MMP9: variants seen among roughly 807,000 people sequenced by gnomAD.
The protein encoded by MMP9 is matrix metalloproteinase-9.
A neutral mutation model predicts 76.4 loss-of-function variants in MMP9; 73 were observed. That is an observed-to-expected ratio of 0.96 (90% confidence interval 0.79 to 1.16). The LOEUF (loss-of-function observed/expected upper bound fraction) is 1.16, where lower values mean the gene tolerates loss of function less well. MMP9 is among the 50% of genes most tolerant of loss of function. The pLI is 0.00. For synonymous variants in MMP9, 412 were observed against 408.4 expected (o/e 1.01, Z -0.11); for missense variants, 943 against 973.0 (o/e 0.97, Z 0.41).
At chr20:46,011,538 G>A (rs184268472) in intron 5 of MMP9, 36 bp from the exon 6 acceptor site, 15 of 1,612,720 alleles carry the variant, frequency 9.3e-6, no homozygotes, top group Non-Finnish European at 1.3e-5. Context: ...TGCTGTCTCC[G>A]CCTTCTCCCC....
chr20:46,009,969 C>T lies in MMP9; in HGVS notation c.242C>T (p.Pro81Leu). 2 of 1,551,920 alleles carry T rather than the reference C, an allele frequency of 1.3e-6. No individual in the cohort carries two copies. The highest frequency in any genetic ancestry group is 1.7e-6 in the Non-Finnish European group (2 of 1,147,076). ...LLLLQKQLSL[P>L]ETGELDSATL... The stretch of plus-strand genomic sequence containing the variant: ...CTTCTCCAGAAGCAACTGTCCCTGC[C>T]CGAGACCGGTGAGCTGGATAGCGCC... Residue 81 changes from proline to leucine, a missense_variant, in exon 2 of 13, where the codon CCC (proline) becomes CTC (leucine). Pro to Leu is a moderately conservative substitution (Grantham distance 98). Coordinates refer to ENST00000372330, the MANE Select transcript of MMP9 (RefSeq NM_004994.3).
chr20:46,012,046 C>T (rs992653574), intron 6 of MMP9, 91 bp from the exon 7 acceptor site: 1 of 1,529,558 alleles, frequency 6.5e-7, no homozygotes, highest in African/African-American at 1.4e-5. Flanking sequence ...CCCCCTAGGC[C>T]ACCAAGATTG....
rs200670933 is a variant in MMP9, at chr20:46,010,437, C to T, written c.372-46C>T. ...TATGGGGTGTCCCTGCTGCCCCGCT[C>T]CAGCCTTTCACTTCTGACCTCCTTC... On this transcript the variant is annotated intron_variant, in intron 2 of 12. Coordinates refer to ENST00000372330, the MANE Select transcript of MMP9 (RefSeq NM_004994.3). 173 of 1,611,702 alleles carry T rather than the reference C, an allele frequency of 1.1e-4. 2 individuals carry two copies. In the South Asian group the frequency reaches 1.8e-3, roughly 17 times the overall value.
At position 46,013,667 on chromosome 20, in the gene MMP9, C is replaced by A. The variant is rs200548880; in HGVS notation, c.1621C>A (p.Arg541=). Residue 541 remains arginine (R), a synonymous_variant, in exon 10 of 13, where the codon CGA becomes AGA. Transcript: ENST00000372330. The surrounding 1 kb of genome is among the most constrained non-coding windows in gnomAD (Gnocchi z 4.5). ...LYLFKDGKYW[R]FSEGRGSRPQ... ...TCCTCGCTTTCTCAGGAAGTACTGG[C>A]GATTCTCTGAGGGCAGGGGGAGCCG... 1.9e-6 allele frequency: 3 copies of A among 1,614,074 alleles called. No homozygotes were observed. Among genetic ancestry groups the A allele is most frequent in the South Asian group, 1.1e-5 (1 of 91,060 alleles).
rs1420763290 is a variant in MMP9, at chr20:46,016,539, A to C, written c.*171A>C. 1 of 663,364 alleles carries C rather than the reference A, an allele frequency of 1.5e-6. No individual in the cohort carries two copies. Among genetic ancestry groups the C allele is most frequent in the Non-Finnish European group, 2.7e-6 (1 of 364,644 alleles). The allele number at this position is 663,364 out of a possible 1,614,324, so 41.1% of individuals were successfully genotyped here. A position where few individuals can be genotyped will look rare whatever the true frequency, so the allele number is the denominator to read the frequency against. ...TGTTTTTTGTTGGAGTGTTTCTAAT[A>C]AACTTGGATTCTCTAACCTTTAGAA... On this transcript the variant is annotated 3_prime_UTR_variant, in exon 13 of 13. Transcript: ENST00000372330.
chr20:46,010,614 T>A lies in MMP9; in HGVS notation c.503T>A (p.Ile168Asn). Reference protein sequence around the residue: ...RVYSRDADIVIQFGVAEHGDG... With the variant: ...RVYSRDADIVNQFGVAEHGDG... ...TACAGCCGGGACGCAGACATCGTCA[T>A]CCAGTTTGGTGTCGCGGGTGAGAAC... The change falls in exon 3 of 13, where the codon ATC becomes AAC. Residue 168 changes from isoleucine to asparagine, a missense_variant. Physicochemically the swap from Ile to Asn is moderately radical, Grantham distance 149 (BLOSUM62 -3). Coordinates refer to ENST00000372330, the MANE Select transcript of MMP9 (RefSeq NM_004994.3). 6.2e-7 allele frequency: 1 copy of A among 1,613,808 alleles called. No homozygotes were observed. Among genetic ancestry groups the A allele is most frequent in the Non-Finnish European group, 8.5e-7 (1 of 1,179,820 alleles).
chr20:46,013,125 G>A lies in MMP9; in HGVS notation c.1331-130G>A, dbSNP rs190391221. 1 of 1,078,516 alleles carries A rather than the reference G, an allele frequency of 9.3e-7. No individual in the cohort carries two copies. Among genetic ancestry groups the A allele is most frequent in the East Asian group, 2.4e-5 (1 of 42,492 alleles). 66.8% of individuals were successfully genotyped at this position (1,078,516 alleles called of 1,614,324 possible). On this transcript the variant is annotated intron_variant, in intron 8 of 12. Transcript: ENST00000372330. The surrounding 1 kb of genome is among the most constrained non-coding windows in gnomAD (Gnocchi z 4.5). ...AGAAGAAGAAAGTCCTGTGGTTTGG[G>A]AAGGGAGGCTGAGTGAGGAGGGGCC...
chr20:46,016,441 C>T lies in MMP9; in HGVS notation c.*73C>T. On this transcript the variant is annotated 3_prime_UTR_variant, in exon 13 of 13. Coordinates refer to ENST00000372330, the MANE Select transcript of MMP9 (RefSeq NM_004994.3). Reference sequence around the variant, plus strand: ...AACCCTGGGGAAGGAGCCAGTTTGCCGGATACAAACTGGTATTCTGTTCTG... The same window carrying T: ...AACCCTGGGGAAGGAGCCAGTTTGCTGGATACAAACTGGTATTCTGTTCTG... 7.6e-6 allele frequency: 9 copies of T among 1,186,150 alleles called. No homozygotes were observed. The highest frequency in any genetic ancestry group is 2.3e-5 in the East Asian group (1 of 42,840). The allele number at this position is 1,186,150 out of a possible 1,614,324, so 73.5% of individuals were successfully genotyped here.
Position 46,012,448 on chromosome 20 carries a change from C to T in MMP9, c.1196C>T (p.Ala399Val), listed in dbSNP as rs200590350. The T allele has an allele frequency of 2.4e-5, 39 of 1,614,026 alleles. No homozygotes were observed. Among genetic ancestry groups the T allele is most frequent in the Middle Eastern group, 1.6e-4 (1 of 6,084 alleles). Residue 399 changes from alanine (A) to valine (V), a missense_variant, in exon 8 of 13, where the codon GCG becomes GTG. Coordinates refer to ENST00000372330, the MANE Select transcript of MMP9 (RefSeq NM_004994.3). ...CCAGGATACAGTTTGTTCCTCGTGG[C>T]GGCGCATGAGTTCGGCCACGCGCTG... ...PDQGYSLFLV[A>V]AHEFGHALGL...
rs996907608 is a variant in MMP9, at chr20:46,015,436, CT to C, written c.2006-805del. Among the ~76,000 whole-genome samples the C allele has an allele frequency of 7.5e-5, 11 of 145,868 alleles. No homozygotes were observed. In the East Asian group the frequency reaches 8.5e-4, roughly 11 times the overall value. ...TTTTCTCCATAGCTTTCTATATTTTCTTTTTTTTTCTTTTTTCTTTTTTTTT... is the reference window on the plus strand; with the variant it reads ...TTTTCTCCATAGCTTTCTATATTTTCTTTTTTTTCTTTTTTCTTTTTTTTT... On this transcript the variant is annotated intron_variant, in intron 12 of 12. Coordinates refer to ENST00000372330, the MANE Select transcript of MMP9 (RefSeq NM_004994.3).
intron 1 of MMP9, 114 bp downstream of exon 1, chr20:46,009,178 G>A (rs1170889052): frequency 8.3e-7 from 1 of 1,200,106 alleles, no homozygotes; most frequent in Non-Finnish European, 1.2e-6. Flanking sequence ...GGTGGTGATG[G>A]GCGTATCTGA....
chr20:46,009,090 G>A, intron 1 of MMP9, 26 bp downstream of exon 1: 1 of 1,610,948 alleles, frequency 6.2e-7, no homozygotes, highest in Non-Finnish European at 8.5e-7. Flanking sequence ...GTCTAGAGTT[G>A]GGGAGGGCTG....
In MMP9 at chr20:46,011,729, G is replaced by C. The variant is rs199569524; in HGVS notation, c.979G>C (p.Gly327Arg). 8 of 1,612,494 alleles carry C rather than the reference G, an allele frequency of 5.0e-6. No homozygotes were observed. Among genetic ancestry groups the C allele is most frequent in the South Asian group, 1.1e-5 (1 of 91,066 alleles). ...CAACTACGACCGGGACAAGCTCTTCGGCTTCTGCCCGACCCGAGGTACCTC... is the reference window on the plus strand; with the variant it reads ...CAACTACGACCGGGACAAGCTCTTCCGCTTCTGCCCGACCCGAGGTACCTC... ...TANYDRDKLF[G>R]FCPTRADSTV... The change falls in exon 6 of 13, where the codon GGC (glycine) becomes CGC (arginine). Residue 327 changes from glycine (G) to arginine (R), a missense_variant. Transcript: ENST00000372330.
rs138668828 is a variant in MMP9, at chr20:46,012,171, G to A, written c.1032G>A (p.Gly344=). 6 of 1,614,026 alleles carry A rather than the reference G, an allele frequency of 3.7e-6. No individual in the cohort carries two copies. The African/African-American group carries it at 6.7e-5, about 18-fold the overall frequency. The change falls in exon 7 of 13, where the codon GGG becomes GGA. Residue 344 remains glycine, a synonymous_variant. Transcript: ENST00000372330. ...CGGTGATGGGGGGCAACTCGGCGGG[G>A]GAGCTGTGCGTCTTCCCCTTCACTT... The part of the protein sequence containing the change: ...DSTVMGGNSA[G]ELCVFPFTFL...
chr20:46,009,768 A>T, intron 1 of MMP9, 98 bp from the exon 2 acceptor site: 5 of 1,028,278 alleles, frequency 4.9e-6, no homozygotes, highest in Non-Finnish European at 7.4e-6. Flanking sequence ...AAAAAGAAAA[A>T]AGACTCCCTC....
At position 46,013,543 on chromosome 20, in the gene MMP9, G is replaced by A; in HGVS notation, c.1610+9G>A. On this transcript the variant is annotated intron_variant, in intron 9 of 12. Coordinates refer to ENST00000372330, the MANE Select transcript of MMP9 (RefSeq NM_004994.3). This position sits in a 1 kb window ranked among gnomAD's most constrained non-coding sequence, Gnocchi z 4.5. ...TATTTGTTCAAGGATGGGTGAGGAG[G>A]CGGGGTTGTGTGGATGCGGGAGGGG... The A allele has an allele frequency of 6.2e-7, 1 of 1,613,580 alleles. No individual in the cohort carries two copies. The highest frequency in any genetic ancestry group is 8.5e-7 in the Non-Finnish European group (1 of 1,179,644).
intron 2 of MMP9, 150 bp from the exon 3 acceptor site, chr20:46,010,333 A>AAACAAAAAAAAAAAAAAAAAAAAAAAAC (rs1555856970): frequency 1.2e-6 from 1 of 827,448 alleles, no homozygotes; most frequent in African/African-American, 2.2e-5. Context: ...AAAAAAAAAA[A>AAACAAAAAAAAAAAAAAAAAAAAAAAAC]AAAAAAAACA....
rs58031394 is a variant in MMP9 at position 46,010,321 on chromosome 20, C to CAAAAAAAAAAAAAAA, written c.372-156_372-142dup. On this transcript the variant is annotated intron_variant, in intron 2 of 12. Transcript: ENST00000372330. The stretch of plus-strand genomic sequence containing the variant: ...GGGCCATTGTGAGGGTCTAAGTAGA[C>CAAAAAAAAAAAAAAA]AAAAAAAAAAAAAAAAAAAACAGTC... Among the ~76,000 whole-genome samples the CAAAAAAAAAAAAAAA allele has an allele frequency of 2.6e-3, 164 of 62,384 alleles. 34 individuals are homozygous for CAAAAAAAAAAAAAAA. The highest frequency in any genetic ancestry group is 3.0e-3 in the South Asian group (5 of 1,668). 40.9% of individuals were successfully genotyped at this position (62,384 alleles called of 152,430 possible). A position where few individuals can be genotyped will look rare whatever the true frequency, so the allele number is the denominator to read the frequency against.
In MMP9 at chr20:46,011,589, A is replaced by G. The variant is rs201069467; in HGVS notation, c.839A>G (p.Asp280Gly). The stretch of plus-strand genomic sequence containing the variant: ...CTCGCCCCAGGACTCTACACCCAGG[A>G]CGGCAATGCTGATGGGAAACCCTGC... ...FCPSERLYTQ[D>G]GNADGKPCQF... is the part of the protein sequence containing the mutation. The change falls in exon 6 of 13, where the codon GAC becomes GGC. Residue 280 changes from aspartate to glycine, a missense_variant. Coordinates refer to ENST00000372330, the MANE Select transcript of MMP9 (RefSeq NM_004994.3). 11 of 1,612,012 alleles carry G rather than the reference A, an allele frequency of 6.8e-6. No homozygotes were observed. In the African/African-American group the frequency reaches 1.5e-4, roughly 22 times the overall value.
Sources: allele counts gnomAD v4.1 joint callset (sites outside exome capture counted in the v4.1 genomes callset), GRCh38; gene constraint gnomAD v4.1.1; non-coding constraint Gnocchi (gnomAD v3.1); transcripts MANE v1.5; gene names NCBI Gene and HGNC (gene_info 2026-07-23, HGNC 2026-07-21).